Variants in MTERF4 observed in about 807,000 individuals in gnomAD.
MTERF4 encodes mitochondrial transcription termination factor 4.
MTERF4 carries 17 observed loss-of-function variants against 22.5 expected under a neutral mutation model. The observed-to-expected ratio is 0.75, with a 90% CI of 0.52 to 1.13. The LOEUF (loss-of-function observed/expected upper bound fraction) is 1.13. Among genes scored for constraint, MTERF4 ranks in the 50% most tolerant of loss-of-function variants. MTERF4 has a pLI of 0.00. For missense variants in MTERF4, 420 were observed against 466.8 expected, an observed-to-expected ratio of 0.90 and a Z score of 0.92; for synonymous variants, 165 against 175.3, an observed-to-expected ratio of 0.94 and a Z score of 0.47.
intron 4 of MTERF4, among the ~76,000 whole-genome samples, chr2:241,080,498 T>C (rs2063278893): frequency 6.6e-6 from 1 of 152,186 alleles, no homozygotes; most frequent in African/African-American, 2.4e-5. Flanking sequence ...GCCAGTGATC[T>C]TTGGAGAAAT....
chr2:241,086,443 T>C (rs947676774), downstream of MTERF4, among the ~76,000 whole-genome samples: 1 of 152,194 alleles, frequency 6.6e-6, no homozygotes, highest in Non-Finnish European at 1.5e-5. Flanking sequence ...GACCACTGCT[T>C]GGATCCCCTT....
chr2:241,053,144 G>T, the MTERF4 span: 1 of 1,607,116 alleles, frequency 6.2e-7, no homozygotes. Context: ...AGGCTGCCGT[G>T]CCTTGCAGAG....
downstream of MTERF4, among the ~76,000 whole-genome samples, chr2:241,091,441 A>C (rs372720456): frequency 1.3e-5 from 2 of 152,096 alleles, no homozygotes; most frequent in African/African-American, 4.8e-5. This position sits in a 1 kb window ranked among gnomAD's most constrained non-coding sequence, Gnocchi z 4.1. Flanking sequence ...CATATGGTAG[A>C]ATCCTGGTGC....
At chr2:241,088,824 G>A (rs1018918346), downstream of MTERF4, 4 of 222,910 alleles carry the variant, frequency 1.8e-5, no homozygotes, top group Non-Finnish European at 2.6e-5. Flanking sequence ...AATTCCGGGG[G>A]CTCCAGGAGA....
At chr2:241,067,189 C>G (rs1432531178), downstream of MTERF4, among the ~76,000 whole-genome samples, 1 of 152,184 alleles carries the variant, frequency 6.6e-6, no homozygotes, top group Admixed American at 6.5e-5. Flanking sequence ...GTCCACAGAC[C>G]GGGGTGCTGA....
chr2:241,053,041 G>A, the MTERF4 span: 6 of 1,012,102 alleles, frequency 5.9e-6, no homozygotes, highest in African/African-American at 6.4e-5. Context: ...GTGAAGGGCA[G>A]TGTGGGAGCA....
At chr2:241,097,993 C>T (rs992130010) in intron 2 of MTERF4, among the ~76,000 whole-genome samples, 2 of 152,216 alleles carry the variant, frequency 1.3e-5, no homozygotes, top group African/African-American at 4.8e-5. Flanking sequence ...CATATATCTT[C>T]TCCAAGCCAG....
At chr2:241,078,839 C>T (rs964958428) in intron 4 of MTERF4, among the ~76,000 whole-genome samples, 7 of 151,912 alleles carry the variant, frequency 4.6e-5, no homozygotes, top group Admixed American at 1.3e-4. Flanking sequence ...GCAGGCCAGG[C>T]ACGGTGGCTC....
downstream of MTERF4, chr2:241,067,616 C>T (rs774794428): frequency 6.9e-5 from 42 of 604,542 alleles, no homozygotes; most frequent in Non-Finnish European, 1.2e-4. Context: ...CCACTCAGCC[C>T]GAGTTCCCTG....
At chr2:241,069,661 CG>C (rs1284059697), downstream of MTERF4, among the ~76,000 whole-genome samples, 2 of 152,068 alleles carry the variant, frequency 1.3e-5, no homozygotes, top group Admixed American at 6.5e-5. This position sits in a 1 kb window ranked among gnomAD's most constrained non-coding sequence, Gnocchi z 4.9. Context: ...CGCCAGCTGA[CG>C]GGCCAGGGCC....
the MTERF4 span, chr2:241,051,861 G>C: frequency 6.5e-7 from 1 of 1,541,288 alleles, no homozygotes; most frequent in Non-Finnish European, 8.8e-7. The surrounding 1 kb of genome is among the most constrained non-coding windows in gnomAD (Gnocchi z 4.7). Flanking sequence ...TGTGAGATCG[G>C]TGCGGCCCCC....
the MTERF4 span, chr2:241,052,483 G>T: frequency 1.3e-6 from 2 of 1,586,388 alleles, no homozygotes; most frequent in South Asian, 2.2e-5. Flanking sequence ...GAGGGTCAGG[G>T]GGATCAAGCA....
At chr2:241,068,003 G>A, downstream of MTERF4, 1 of 1,490,986 alleles carries the variant, frequency 6.7e-7, no homozygotes, top group Non-Finnish European at 9.2e-7. This position sits in a 1 kb window ranked among gnomAD's most constrained non-coding sequence, Gnocchi z 5.3. Flanking sequence ...TGGGGGCTCG[G>A]GGACACGGGG....
At chr2:241,068,214 C>T (rs1365384114), downstream of MTERF4, among the ~76,000 whole-genome samples, 1 of 152,096 alleles carries the variant, frequency 6.6e-6, no homozygotes, top group African/African-American at 2.4e-5. This position sits in a 1 kb window ranked among gnomAD's most constrained non-coding sequence, Gnocchi z 5.3. Flanking sequence ...TCAGAAAATC[C>T]GGGGGCACAC....
chr2:241,050,273 T>G, the MTERF4 span, among the ~76,000 whole-genome samples: 3 of 152,246 alleles, frequency 2.0e-5, no homozygotes, highest in Non-Finnish European at 4.4e-5. Flanking sequence ...TAATTCAGCA[T>G]GGAAAATGTC....
Position 241,096,196 on chromosome 2 carries a change from A to T in MTERF4, c.948T>A (p.Phe316Leu), listed in dbSNP as rs766340145. The T allele has an allele frequency of 6.2e-7, 1 of 1,614,114 alleles. No individual in the cohort carries two copies. The highest frequency in any genetic ancestry group is 1.7e-5 in the Admixed American group (1 of 60,010). Residue 316 changes from phenylalanine to leucine, a missense_variant, in exon 4 of 4, where the codon TTT (phenylalanine) becomes TTA (leucine). By Grantham distance (22) the Phe-to-Leu change is conservative. Transcript: ENST00000391980. This position sits in a 1 kb window ranked among gnomAD's most constrained non-coding sequence, Gnocchi z 5.1. ...ACTSVEEFQV[F>L]KKLLAREEEE... ...CCTCCTCCCGAGCCAGGAGCTTCTTAAAAACTTGAAACTCCTCAACAGAAG... is the reference window on the plus strand; with the variant it reads ...CCTCCTCCCGAGCCAGGAGCTTCTTTAAAACTTGAAACTCCTCAACAGAAG...
At chr2:241,070,305 C>A, downstream of MTERF4, 2 of 1,244,066 alleles carry the variant, frequency 1.6e-6, no homozygotes, top group Non-Finnish European at 2.2e-6. Flanking sequence ...GCCAGGCAGA[C>A]AGCCTAGAAA....
the MTERF4 span, among the ~76,000 whole-genome samples, chr2:241,043,009 G>A: frequency 6.6e-6 from 1 of 151,736 alleles, no homozygotes; most frequent in Non-Finnish European, 1.5e-5. Flanking sequence ...ATCCATGTAT[G>A]TGCAGTCTGC....
At chr2:241,091,619 CTTTGT>C (rs1317839557), downstream of MTERF4, 1 of 152,218 alleles carries the variant, frequency 6.6e-6, no homozygotes, top group African/African-American at 2.4e-5. This position sits in a 1 kb window ranked among gnomAD's most constrained non-coding sequence, Gnocchi z 4.1. Context: ...TCATGCTTCA[CTTTGT>C]TTTTTCTTCA....
Sources: gnomAD v4.1 joint callset for allele counts (sites outside exome capture counted in the v4.1 genomes callset) on GRCh38, gnomAD v4.1.1 for gene constraint, Gnocchi (gnomAD v3.1) non-coding constraint, MANE v1.5 for transcripts, NCBI Gene and HGNC (gene_info 2026-07-23, HGNC 2026-07-21) for gene names.